The following MFN1 variants were observed in gnomAD, a reference collection of about 807,000 sequenced individuals.
MFN1 encodes mitofusin 1.
Under a neutral mutation model 92.4 loss-of-function variants are expected in MFN1, and 65 were observed. The observed-to-expected ratio is 0.70, with a 90% confidence interval of 0.58 to 0.86. The LOEUF (loss-of-function observed/expected upper bound fraction) is 0.86, where lower values mean the gene tolerates loss of function less well. Among genes scored for constraint, MFN1 ranks in the 40% least tolerant of loss-of-function variants. The pLI is 0.00. For synonymous variants in MFN1, 297 were observed against 300.9 expected, an observed-to-expected ratio of 0.99 and a Z score of 0.13; for missense variants, 781 against 868.0, an observed-to-expected ratio of 0.90 and a Z score of 1.26.
chr3:179,352,143 G>T, intron 3 of MFN1, 108 bp downstream of exon 3: 2 of 1,204,456 alleles, frequency 1.7e-6, no homozygotes, highest in Non-Finnish European at 2.3e-6. Context: ...GCAAGTTTCT[G>T]CCTGTGTTGA....
chr3:179,365,250 A>G, intron 7 of MFN1, 25 bp downstream of exon 7: 3 of 1,319,228 alleles, frequency 2.3e-6, no homozygotes, highest in East Asian at 2.6e-5. Context: ...TTTTTTTTGT[A>G]GGTTTTGAAA....
chr3:179,365,062 T>G, intron 6 of MFN1, 56 bp from the exon 7 acceptor site: 1 of 1,003,648 alleles, frequency 1.0e-6, no homozygotes, highest in Non-Finnish European at 1.4e-6. Flanking sequence ...AAATAAAATT[T>G]CAATTATAAA....
intron 9 of MFN1, among the ~76,000 whole-genome samples, chr3:179,372,080 C>CATATATAAATATTATATATAATGTT (rs1713045362): frequency 7.0e-6 from 1 of 143,574 alleles, no homozygotes; most frequent in African/African-American, 2.6e-5. Flanking sequence ...TTATATAATA[C>CATATATAAATATTATATATAATGTT]ATATATAAAT....
intron 5 of MFN1, among the ~76,000 whole-genome samples, chr3:179,362,903 A>G (rs895335532): frequency 6.6e-6 from 1 of 152,220 alleles, no homozygotes; most frequent in Admixed American, 6.5e-5. Flanking sequence ...CAAGTAATCC[A>G]TAGAAACAGA....
At chr3:179,360,559 A>ATT (rs1560191724) in intron 4 of MFN1, among the ~76,000 whole-genome samples, 1 of 146,518 alleles carries the variant, frequency 6.8e-6, no homozygotes, top group African/African-American at 2.4e-5. Flanking sequence ...CAAAAAAAAA[A>ATT]AAAAATAAAA....
intron 9 of MFN1, 118 bp from the exon 10 acceptor site, chr3:179,375,102 G>A: frequency 1.7e-6 from 2 of 1,167,570 alleles, no homozygotes; most frequent in Non-Finnish European, 2.3e-6. Flanking sequence ...TCACTCATTT[G>A]TTTTCTATCT....
At chr3:179,381,870 CTG>C (rs1401375336) in intron 14 of MFN1, among the ~76,000 whole-genome samples, 1 of 152,168 alleles carries the variant, frequency 6.6e-6, no homozygotes. Context: ...CCTAAAAAAT[CTG>C]AAATCTGAAA....
At chr3:179,358,150 G>GTTTT (rs771740459) in intron 3 of MFN1, among the ~76,000 whole-genome samples, 1,972 of 119,644 alleles carry the variant, frequency 0.016, 125 homozygotes, top group African/African-American at 0.061. Flanking sequence ...CACTCATTTT[G>GTTTT]TTTTTTTTTT....
Position 179,375,200 on chromosome 3 carries a change from A to G in MFN1, c.976-20A>G, listed in dbSNP as rs1255167253. The G allele has an allele frequency of 6.3e-7, 1 of 1,599,280 alleles. No individual in the cohort carries two copies. Among genetic ancestry groups the G allele is most frequent in the Admixed American group, 1.8e-5 (1 of 56,326 alleles). ...TGCGATGGAATTACAGTAATGTGTT[A>G]CGGCTTGGGCCCCTCGCAGGAGTGT... On this transcript the variant is annotated intron_variant, in intron 9 of 17. Transcript: ENST00000471841.
At chr3:179,370,152 T>A (rs1388492782) in intron 9 of MFN1, among the ~76,000 whole-genome samples, 1 of 152,124 alleles carries the variant, frequency 6.6e-6, no homozygotes, top group Non-Finnish European at 1.5e-5. Context: ...TTTTGGTAAT[T>A]TCTGATTTCT....
chr3:179,370,797 CTG>C (rs1712994574), intron 9 of MFN1, among the ~76,000 whole-genome samples: 1 of 152,190 alleles, frequency 6.6e-6, no homozygotes, highest in South Asian at 2.1e-4. Flanking sequence ...GAATTTGTGA[CTG>C]CAGCTTTAGG....
chr3:179,369,455 T>C (rs145486999), intron 9 of MFN1, among the ~76,000 whole-genome samples: 2,220 of 152,324 alleles, frequency 0.015, 59 homozygotes, highest in South Asian at 0.11. Context: ...ATGTTTATCA[T>C]TGATTTCTTC....
chr3:179,358,294 G>A (rs957557837), intron 3 of MFN1, among the ~76,000 whole-genome samples: 4 of 151,842 alleles, frequency 2.6e-5, no homozygotes, highest in Non-Finnish European at 5.9e-5. Flanking sequence ...GGGATTACAG[G>A]GGCCCCCCCA....
At chr3:179,358,616 A>G (rs57752723) in intron 3 of MFN1, among the ~76,000 whole-genome samples, 5,597 of 152,260 alleles carry the variant, frequency 0.037, 340 homozygotes, top group African/African-American at 0.13. Flanking sequence ...AAAGTTGAGG[A>G]TACTACTGTG....
rs1371157371 is a variant in MFN1, at chr3:179,386,496, C to T, written c.1879C>T (p.Leu627Phe). 6.2e-7 allele frequency: 1 copy of T among 1,613,972 alleles called. No individual in the cohort carries two copies. The highest frequency in any genetic ancestry group is 1.7e-5 in the Admixed American group (1 of 59,988). ...ATTAACTATGTATGGAGCTTTGTAT[C>T]TTTATGAAAGACTGAGCTGGACCAC... The part of the protein sequence containing the change: ...VSLTMYGALY[L>F]YERLSWTTHA... The change falls in exon 16 of 18, where the codon CTT becomes TTT. Residue 627 changes from leucine (L) to phenylalanine (F), a missense_variant. Coordinates refer to ENST00000471841, the MANE Select transcript of MFN1 (RefSeq NM_033540.3).
In MFN1 at chr3:179,392,818, A is replaced by C. The variant is rs1713959929; in HGVS notation, c.*759A>C. The C allele has an allele frequency of 6.6e-6, 1 of 152,188 alleles. No individual in the cohort carries two copies. Among genetic ancestry groups the C allele is most frequent in the African/African-American group, 2.4e-5 (1 of 41,454 alleles). 9.4% of individuals were successfully genotyped at this position (152,188 alleles called of 1,614,324 possible). On this transcript the variant is annotated 3_prime_UTR_variant, in exon 18 of 18. Coordinates refer to ENST00000471841, the MANE Select transcript of MFN1 (RefSeq NM_033540.3). The stretch of plus-strand genomic sequence containing the variant: ...GGAGACGTCTGAATTTTGAATGATA[A>C]ACAGTGATGTTTTAAAAAAGCTGTT...
Position 179,367,549 on chromosome 3 carries a change from T to C in MFN1, c.864T>C (p.Val288=). The part of the protein sequence containing the change: ...NRIFFVSAKE[V]LSARKQKAQG... ...TCTTCTTTGTTTCAGCAAAGGAAGT[T>C]CTTAGTGCTAGAAAGCAAAAAGCAC... The change falls in exon 8 of 18, where the codon GTT becomes GTC. Residue 288 remains valine, a synonymous_variant. Coordinates refer to ENST00000471841, the MANE Select transcript of MFN1 (RefSeq NM_033540.3). 6.2e-7 allele frequency: 1 copy of C among 1,613,800 alleles called. No individual in the cohort carries two copies. Among genetic ancestry groups the C allele is most frequent in the Non-Finnish European group, 8.5e-7 (1 of 1,179,896 alleles).
chr3:179,358,153 T>TTTG (rs1203973143), intron 3 of MFN1, among the ~76,000 whole-genome samples: 1 of 144,692 alleles, frequency 6.9e-6, no homozygotes, highest in African/African-American at 2.7e-5. Flanking sequence ...TCATTTTGTT[T>TTTG]TTTTTTTTTT....
At chr3:179,351,188 C>A (rs975778029) in intron 2 of MFN1, among the ~76,000 whole-genome samples, 3 of 152,146 alleles carry the variant, frequency 2.0e-5, no homozygotes, top group Non-Finnish European at 4.4e-5. Flanking sequence ...ATAAAAAAAA[C>A]TGAAAGATTT....
Sources: gnomAD v4.1 joint callset for allele counts (sites outside exome capture counted in the v4.1 genomes callset) on GRCh38, gnomAD v4.1.1 for gene constraint, MANE v1.5 for transcripts, NCBI Gene and HGNC (gene_info 2026-07-23, HGNC 2026-07-21) for gene names.